Variants in SLC25A21 observed in about 807,000 individuals in gnomAD.
The protein encoded by SLC25A21 is mitochondrial 2-oxodicarboxylate carrier.
In SLC25A21, 47 loss-of-function variants were observed where a neutral mutation model predicts 43.8. The observed-to-expected ratio is 1.07, with a 90% confidence interval of 0.85 to 1.37. The LOEUF is 1.37. Among genes scored for constraint, SLC25A21 ranks in the 40% most tolerant of loss-of-function variants. The pLI is 0.00. For missense variants in SLC25A21, 352 were observed against 350.2 expected (o/e 1.00, Z -0.04); for synonymous variants, 131 against 121.3 (o/e 1.08, Z -0.52).
At chr14:36,995,825 G>A (rs188236258) in intron 1 of SLC25A21, among the ~76,000 whole-genome samples, 25 of 152,140 alleles carry the variant, frequency 1.6e-4, no homozygotes, top group Admixed American at 3.9e-4. Flanking sequence ...TTTGACACCC[G>A]GGCAATCCAC....
At chr14:36,905,254 T>G (rs756888205) in intron 1 of SLC25A21, among the ~76,000 whole-genome samples, 1 of 152,208 alleles carries the variant, frequency 6.6e-6, no homozygotes, top group African/African-American at 2.4e-5. Flanking sequence ...GGCCACCCAT[T>G]TCAGCAGAAT....
chr14:36,840,368 C>A (rs146449853), intron 2 of SLC25A21, among the ~76,000 whole-genome samples: 7 of 152,168 alleles, frequency 4.6e-5, no homozygotes, highest in African/African-American at 1.4e-4. Context: ...TATATTTGTC[C>A]TTATCTTTTG....
Position 37,014,553 on chromosome 14 carries a change from T to C in SLC25A21, c.71-139549A>G, listed in dbSNP as rs529232317. On this transcript the variant is annotated intron_variant, in intron 1 of 9. Transcript: ENST00000331299. Reference sequence around the variant, plus strand: ...AAATCTGCTCTTGAACCCCTCAAAGTCTTCTATGAGAATTGGAATTAATTT... The same window carrying C: ...AAATCTGCTCTTGAACCCCTCAAAGCCTTCTATGAGAATTGGAATTAATTT... Among the ~76,000 whole-genome samples the C allele has an allele frequency of 3.9e-5, 6 of 152,254 alleles. No individual in the cohort carries two copies. In the South Asian group the frequency reaches 1.2e-3, roughly 32 times the overall value.
chr14:37,018,390 C>T (rs900697641), intron 1 of SLC25A21, among the ~76,000 whole-genome samples: 3 of 152,034 alleles, frequency 2.0e-5, no homozygotes, highest in Non-Finnish European at 4.4e-5. Flanking sequence ...TGTTAATTAT[C>T]TTGATTATGA....
chr14:36,821,029 G>T (rs903745698), intron 2 of SLC25A21, among the ~76,000 whole-genome samples: 2 of 152,180 alleles, frequency 1.3e-5, no homozygotes, highest in Non-Finnish European at 2.9e-5. Context: ...GAAATTAGAT[G>T]TTGCTCCTAC....
intron 1 of SLC25A21, among the ~76,000 whole-genome samples, chr14:37,041,143 T>C (rs1961462524): frequency 4.6e-5 from 7 of 152,152 alleles, no homozygotes. Flanking sequence ...AAAAGATAGC[T>C]CATATATCTT....
chr14:36,904,310 T>G (rs1309352371), intron 1 of SLC25A21, among the ~76,000 whole-genome samples: 2 of 152,190 alleles, frequency 1.3e-5, no homozygotes, highest in Non-Finnish European at 2.9e-5. Context: ...GCCATCTAGT[T>G]TTGTCTTGAG....
At chr14:37,130,971 C>A (rs1963382816) in intron 1 of SLC25A21, among the ~76,000 whole-genome samples, 3 of 152,046 alleles carry the variant, frequency 2.0e-5, no homozygotes, top group African/African-American at 7.2e-5. Context: ...AAACAAAAAG[C>A]CAAAGTTAAA....
At chr14:36,757,846 A>C (rs1056039152) in intron 3 of SLC25A21, among the ~76,000 whole-genome samples, 2 of 152,152 alleles carry the variant, frequency 1.3e-5, no homozygotes, top group Admixed American at 6.5e-5. Flanking sequence ...TGCAGCCCAA[A>C]GTTTCCTCTC....
At chr14:37,128,810 A>G (rs1317731942) in intron 1 of SLC25A21, among the ~76,000 whole-genome samples, 1 of 151,906 alleles carries the variant, frequency 6.6e-6, no homozygotes, top group Non-Finnish European at 1.5e-5. Flanking sequence ...GCTGGTCTCA[A>G]ATTGCTGAGC....
Position 37,098,786 on chromosome 14 carries a change from C to CAGATAGATAGAT in SLC25A21, c.70+73483_70+73494dup, listed in dbSNP as rs1407209801. ...ACAGACAGACAGACAGACAGACAGA[C>CAGATAGATAGAT]AGATAGATAGATAGATAGATTTTTT... On this transcript the variant is annotated intron_variant, in intron 1 of 9. Transcript: ENST00000331299. Among the ~76,000 whole-genome samples, 79 of 139,158 alleles carry CAGATAGATAGAT rather than the reference C, an allele frequency of 5.7e-4. 1 individual carries two copies. Among genetic ancestry groups the CAGATAGATAGAT allele is most frequent in the African/African-American group, 2.1e-3 (71 of 33,798 alleles). 91.3% of individuals were successfully genotyped at this position (139,158 alleles called of 152,430 possible).
chr14:36,780,445 T>C (rs992135778), intron 3 of SLC25A21, among the ~76,000 whole-genome samples: 1 of 152,096 alleles, frequency 6.6e-6, no homozygotes, highest in South Asian at 2.1e-4. Flanking sequence ...GAGATATTTC[T>C]TTTTCTTAAT....
chr14:36,729,567 CTG>C lies in SLC25A21; in HGVS notation c.271-3_271-2del, dbSNP rs769595240. The C allele has an allele frequency of 1.2e-5, 20 of 1,606,596 alleles. No individual in the cohort carries two copies. Among genetic ancestry groups the C allele is most frequent in the African/African-American group, 2.7e-5 (2 of 74,666 alleles). On this transcript the variant is annotated splice_acceptor_variant and splice_polypyrimidine_tract_variant and intron_variant, in intron 4 of 9. Transcript: ENST00000331299. LOFTEE classifies it high-confidence loss of function. ...TCTTGTACTGCTCAAAGGTGAAAAACTGTGAAACAAAACCAAACTCACAGATT... is the reference window on the plus strand; with the variant it reads ...TCTTGTACTGCTCAAAGGTGAAAAACTGAAACAAAACCAAACTCACAGATT...
At chr14:36,730,972 GGTTTT>G (rs1299692338) in intron 4 of SLC25A21, among the ~76,000 whole-genome samples, 1 of 149,072 alleles carries the variant, frequency 6.7e-6, no homozygotes, top group African/African-American at 2.5e-5. Context: ...TATAATCTTA[GGTTTT>G]TTTTTTTTTT....
intron 1 of SLC25A21, among the ~76,000 whole-genome samples, chr14:37,046,694 T>C (rs1384903200): frequency 6.6e-6 from 1 of 152,202 alleles, no homozygotes; most frequent in African/African-American, 2.4e-5. Flanking sequence ...GTTGGATTGA[T>C]TTCTTAAACC....
chr14:37,156,806 GAGAT>G (rs1239120708), intron 1 of SLC25A21, among the ~76,000 whole-genome samples: 5 of 152,142 alleles, frequency 3.3e-5, no homozygotes, highest in Non-Finnish European at 5.9e-5. Flanking sequence ...TCTAAAGAGA[GAGAT>G]AGACTCCAAC....
intron 1 of SLC25A21, among the ~76,000 whole-genome samples, chr14:37,151,236 C>G (rs1473704289): frequency 6.6e-6 from 1 of 152,188 alleles, no homozygotes; most frequent in African/African-American, 2.4e-5. Context: ...ACAGGCCCCT[C>G]CTGTCCACTC....
At position 36,707,936 on chromosome 14, in the gene SLC25A21, G is replaced by A. The variant is rs181572828; in HGVS notation, c.603+3382C>T. 1.5e-3 allele frequency among the ~76,000 whole-genome samples: 223 copies of A among 152,106 alleles called. 1 individual carries two copies. Among genetic ancestry groups the A allele is most frequent in the Middle Eastern group, 3.4e-3 (1 of 294 alleles). ...GCACAGGAGTTCAAGACTAGCCTGG[G>A]CAACAAAGGGAGATCCCAATTTCTA... On this transcript the variant is annotated intron_variant, in intron 7 of 9. Transcript: ENST00000331299.
At chr14:37,109,185 C>T (rs1015779238) in intron 1 of SLC25A21, among the ~76,000 whole-genome samples, 3 of 152,090 alleles carry the variant, frequency 2.0e-5, no homozygotes, top group South Asian at 4.1e-4. Flanking sequence ...TGCAGTACTA[C>T]ATCATGTGAA....
Sources: gnomAD v4.1 joint callset for allele counts (sites outside exome capture counted in the v4.1 genomes callset) on GRCh38, gnomAD v4.1.1 for gene constraint, MANE v1.5 for transcripts, NCBI Gene and HGNC (gene_info 2026-07-23, HGNC 2026-07-21) for gene names.